Variants in PANX1 observed in about 807,000 individuals in gnomAD.
PANX1 encodes pannexin 1, also known as pannexin-1.
In PANX1, 30 loss-of-function variants were observed where a neutral mutation model predicts 38.7. That is an observed-to-expected ratio of 0.78 (90% confidence interval 0.58 to 1.05). The LOEUF (loss-of-function observed/expected upper bound fraction) is 1.05, where lower values mean the gene tolerates loss of function less well. Among genes scored for constraint, PANX1 ranks in the 50% least tolerant of loss-of-function variants. The pLI, the probability that PANX1 is intolerant of heterozygous loss-of-function variation, is 0.00. For missense variants in PANX1, 551 were observed against 517.2 expected (o/e 1.07, Z -0.63); for synonymous variants, 230 against 212.2 (o/e 1.08, Z -0.73).
At position 94,132,458 on chromosome 11, in the gene PANX1, C is replaced by T. The variant is rs117580031; in HGVS notation, c.181+2965C>T. Among the ~76,000 whole-genome samples the T allele has an allele frequency of 3.3e-3, 509 of 152,264 alleles. 4 individuals are homozygous for T. The highest frequency in any genetic ancestry group is 5.2e-3 in the Non-Finnish European group (355 of 68,018). ...GTGTGTGGAGCAGTGTTGGCTGAAGCTGAGACGTGTGAGACAACATGTGGC... is the reference window on the plus strand; with the variant it reads ...GTGTGTGGAGCAGTGTTGGCTGAAGTTGAGACGTGTGAGACAACATGTGGC... On this transcript the variant is annotated intron_variant, in intron 1 of 4. Transcript: ENST00000227638.
At position 94,129,045 on chromosome 11, in the gene PANX1, A is replaced by T; in HGVS notation, c.-268A>T. 3.3e-6 allele frequency: 1 copy of T among 305,268 alleles called. No individual in the cohort carries two copies. Among genetic ancestry groups the T allele is most frequent in the Middle Eastern group, 8.7e-4 (1 of 1,156 alleles). The allele number at this position is 305,268 out of a possible 1,614,324, so 18.9% of individuals were successfully genotyped here. On this transcript the variant is annotated 5_prime_UTR_variant, in exon 1 of 5. Transcript: ENST00000227638. Reference sequence around the variant, plus strand: ...TGCCGCGCGCGGCCCGGGGACTTGCACGGGCGTGCGGGGTGGAACCGCAGG... The same window carrying T: ...TGCCGCGCGCGGCCCGGGGACTTGCTCGGGCGTGCGGGGTGGAACCGCAGG...
In PANX1 at chr11:94,129,379, C is replaced by T. The variant is rs761409975; in HGVS notation, c.67C>T (p.Pro23Ser). Residue 23 changes from proline to serine, a missense_variant, in exon 1 of 5, where the codon CCC (proline) becomes TCC (serine). Coordinates refer to ENST00000227638, the MANE Select transcript of PANX1 (RefSeq NM_015368.4). The part of the protein sequence containing the change: ...SDFLLKEPTE[P>S]KFKGLRLELA... ...TTTCTTGCTGAAGGAGCCCACGGAG[C>T]CCAAGTTCAAGGGGCTGCGACTGGA... The T allele has an allele frequency of 2.5e-6, 4 of 1,613,856 alleles. No homozygotes were observed. The highest frequency in any genetic ancestry group is 2.2e-5 in the East Asian group (1 of 44,858).
intron 1 of PANX1, among the ~76,000 whole-genome samples, chr11:94,135,051 T>G (rs1946672372): frequency 6.6e-6 from 1 of 152,128 alleles, no homozygotes; most frequent in Non-Finnish European, 1.5e-5. Flanking sequence ...CTGCTTTGAT[T>G]CCCTGGTGCC....
intron 2 of PANX1, among the ~76,000 whole-genome samples, chr11:94,154,827 A>G (rs1212314432): frequency 6.6e-6 from 1 of 152,262 alleles, no homozygotes; most frequent in Non-Finnish European, 1.5e-5. Flanking sequence ...TATATGCTAT[A>G]TGTATTATAT....
chr11:94,171,678 G>T (rs1947169218), intron 2 of PANX1, among the ~76,000 whole-genome samples: 1 of 151,642 alleles, frequency 6.6e-6, no homozygotes, highest in African/African-American at 2.4e-5. Context: ...AAGTTATTCA[G>T]TGTAATATTT....
chr11:94,149,611 C>T (rs778147975), intron 1 of PANX1, among the ~76,000 whole-genome samples: 1 of 152,180 alleles, frequency 6.6e-6, no homozygotes, highest in Non-Finnish European at 1.5e-5. Flanking sequence ...CTTTGTTGTT[C>T]TTGGCATAAA....
At chr11:94,145,370 T>G (rs921899494) in intron 1 of PANX1, among the ~76,000 whole-genome samples, 1 of 152,218 alleles carries the variant, frequency 6.6e-6, no homozygotes, top group African/African-American at 2.4e-5. Context: ...TTGCATAGAT[T>G]TTTGAGTGAT....
Position 94,128,930 on chromosome 11 carries a change from G to A in PANX1, c.-383G>A, listed in dbSNP as rs1012320051. On this transcript the variant is annotated 5_prime_UTR_variant, in exon 1 of 5. Transcript: ENST00000227638. ...CCCGGCGGCCGCTTCGGCAGCCAGG[G>A]CGGCGCGGAGGGGCAGGGCCAGAGG... 1 of 159,216 alleles carries A rather than the reference G, an allele frequency of 6.3e-6. No individual in the cohort carries two copies. The highest frequency in any genetic ancestry group is 2.4e-5 in the African/African-American group (1 of 41,716). 9.9% of individuals were successfully genotyped at this position (159,216 alleles called of 1,614,324 possible).
At chr11:94,130,150 G>T (rs1294429025) in intron 1 of PANX1, among the ~76,000 whole-genome samples, 2 of 152,214 alleles carry the variant, frequency 1.3e-5, no homozygotes, top group African/African-American at 4.8e-5. Context: ...GGATCACGTG[G>T]CTACGTGCCT....
intron 1 of PANX1, among the ~76,000 whole-genome samples, chr11:94,130,153 A>G (rs1413894120): frequency 6.6e-6 from 1 of 152,204 alleles, no homozygotes; most frequent in Admixed American, 6.5e-5. Context: ...TCACGTGGCT[A>G]CGTGCCTTAC....
intron 2 of PANX1, among the ~76,000 whole-genome samples, chr11:94,158,118 G>C (rs911424039): frequency 1.4e-4 from 22 of 152,066 alleles, no homozygotes; most frequent in South Asian, 2.1e-4. Flanking sequence ...TGTTTTGGTA[G>C]CAGTACCATG....
intron 1 of PANX1, among the ~76,000 whole-genome samples, chr11:94,153,247 C>A (rs1048595551): frequency 6.6e-6 from 1 of 152,054 alleles, no homozygotes; most frequent in Non-Finnish European, 1.5e-5. Flanking sequence ...TATGGTAGTT[C>A]TACTTCTTTT....
Position 94,129,088 on chromosome 11 carries a change from TCCCGCCCCGCCCCGC to T in PANX1, c.-218_-204del, listed in dbSNP as rs72253125. 4.9e-6 allele frequency: 2 copies of T among 408,336 alleles called. No homozygotes were observed. Among genetic ancestry groups the T allele is most frequent in the South Asian group, 9.6e-5 (2 of 20,762 alleles). 25.3% of individuals were successfully genotyped at this position (408,336 alleles called of 1,614,324 possible). A position where few individuals can be genotyped will look rare whatever the true frequency, so the allele number is the denominator to read the frequency against. ...ACCGCAGGAAGCGGAGCTCTCGGGT[TCCCGCCCCGCCCCGC>T]CCCGCCGGCGGCGGAGGCAGCGAGC... is the stretch of plus-strand genomic sequence containing the variant. On this transcript the variant is annotated 5_prime_UTR_variant, in exon 1 of 5. Transcript: ENST00000227638.
chr11:94,159,496 C>T (rs1227723373), intron 2 of PANX1, among the ~76,000 whole-genome samples: 4 of 151,968 alleles, frequency 2.6e-5, no homozygotes, highest in African/African-American at 4.8e-5. Context: ...GTGTATGTGT[C>T]GAGGAATTTA....
intron 1 of PANX1, among the ~76,000 whole-genome samples, chr11:94,143,309 T>G (rs1036031803): frequency 1.4e-4 from 21 of 152,218 alleles, no homozygotes; most frequent in African/African-American, 4.8e-4. Context: ...CCTGCTTTCA[T>G]GATGTGTTTG....
rs1224324329 is a variant in PANX1, at chr11:94,181,655, T to C, written c.*786T>C. On this transcript the variant is annotated 3_prime_UTR_variant, in exon 5 of 5. Transcript: ENST00000227638. ...CATTAATTCAGTCACTTTCAAAGAG[T>C]TTGTCTACAGGCGGTTTCTCTGTTA... The C allele has an allele frequency of 6.6e-6, 1 of 152,130 alleles. No homozygotes were observed. Among genetic ancestry groups the C allele is most frequent in the East Asian group, 1.9e-4 (1 of 5,198 alleles). 9.4% of individuals were successfully genotyped at this position (152,130 alleles called of 1,614,324 possible).
intron 2 of PANX1, among the ~76,000 whole-genome samples, chr11:94,161,176 C>CT (rs1454464380): frequency 2.0e-5 from 3 of 152,172 alleles, no homozygotes; most frequent in Non-Finnish European, 4.4e-5. Context: ...TTCATTTCAA[C>CT]TTTGGTGAAT....
intron 1 of PANX1, among the ~76,000 whole-genome samples, chr11:94,146,135 G>A (rs781032141): frequency 2.3e-4 from 35 of 152,198 alleles, no homozygotes; most frequent in Admixed American, 3.3e-4. Flanking sequence ...GGATCCATGG[G>A]ACTGCTCAGG....
chr11:94,145,797 A>G (rs536481766), intron 1 of PANX1, among the ~76,000 whole-genome samples: 3 of 152,370 alleles, frequency 2.0e-5, no homozygotes, highest in Admixed American at 6.5e-5. Flanking sequence ...ATGAATAACT[A>G]TAGATACTGT....
Sources: allele counts gnomAD v4.1 joint callset (sites outside exome capture counted in the v4.1 genomes callset), GRCh38; gene constraint gnomAD v4.1.1; transcripts MANE v1.5; gene names NCBI Gene and HGNC (gene_info 2026-07-23, HGNC 2026-07-21).